HBS1L: variants seen among roughly 807,000 people sequenced by gnomAD.
HBS1L encodes the protein HBS1 like translational GTPase, also known as HBS1-like protein.
In HBS1L, 55 loss-of-function variants were observed where a neutral mutation model predicts 88.9. The observed-to-expected ratio is 0.62, with a 90% confidence interval of 0.50 to 0.77. The LOEUF (loss-of-function observed/expected upper bound fraction) is 0.77, where lower values mean the gene tolerates loss of function less well. HBS1L is among the 30% of genes least tolerant of loss of function. The probability of loss-of-function intolerance (pLI) is 0.00; values close to 1 mark genes in which losing one functional copy is unlikely to be tolerated. For synonymous variants in HBS1L, 267 were observed against 288.5 expected, an observed-to-expected ratio of 0.93 and a Z score of 0.76; for missense variants, 741 against 829.3, an observed-to-expected ratio of 0.89 and a Z score of 1.31.
At chr6:134,998,725 C>T (rs1447466055) in intron 5 of HBS1L, among the ~76,000 whole-genome samples, 2 of 152,084 alleles carry the variant, frequency 1.3e-5, no homozygotes, top group Non-Finnish European at 2.9e-5. Flanking sequence ...TTTATATGCC[C>T]AACATTAGCC....
intron 8 of HBS1L, among the ~76,000 whole-genome samples, chr6:134,992,669 C>T (rs1336217580): frequency 6.6e-6 from 1 of 151,836 alleles, no homozygotes; most frequent in East Asian, 1.9e-4. Context: ...AAAATATTTT[C>T]GTACAGCTGT....
At chr6:134,994,424 A>C (rs1206464257) in intron 7 of HBS1L, among the ~76,000 whole-genome samples, 1 of 152,156 alleles carries the variant, frequency 6.6e-6, no homozygotes, top group Non-Finnish European at 1.5e-5. Flanking sequence ...TATCCTATTT[A>C]ATTCTTCCTG....
intron 15 of HBS1L, among the ~76,000 whole-genome samples, chr6:134,972,540 A>G (rs993621049): frequency 6.6e-6 from 1 of 152,230 alleles, no homozygotes. Flanking sequence ...GGATTTGGCC[A>G]TGATTTCTTG....
intron 15 of HBS1L, among the ~76,000 whole-genome samples, chr6:134,973,363 G>A (rs1030129406): frequency 1.3e-5 from 2 of 152,226 alleles, no homozygotes; most frequent in South Asian, 2.1e-4. Context: ...AATATTGTAT[G>A]ATTCCACTTA....
chr6:135,009,573 G>C (rs1775711910), intron 4 of HBS1L, among the ~76,000 whole-genome samples: 1 of 152,072 alleles, frequency 6.6e-6, no homozygotes, highest in African/African-American at 2.4e-5. Context: ...ATCTTTTGCA[G>C]ATTATGTTCA....
chr6:135,013,170 A>G (rs994605758), intron 4 of HBS1L, among the ~76,000 whole-genome samples: 3 of 152,176 alleles, frequency 2.0e-5, no homozygotes, highest in Non-Finnish European at 4.4e-5. Context: ...CCTCGTCCAT[A>G]AAATAATAGT....
chr6:134,997,107 C>T (rs1454581721), intron 6 of HBS1L, among the ~76,000 whole-genome samples, 165 bp from the exon 7 acceptor site: 2 of 152,040 alleles, frequency 1.3e-5, no homozygotes, highest in South Asian at 2.1e-4. Flanking sequence ...AAGAGCATAT[C>T]TCTTTACAGA....
At chr6:134,981,408 T>A (rs1357903188) in intron 13 of HBS1L, among the ~76,000 whole-genome samples, 2 of 151,936 alleles carry the variant, frequency 1.3e-5, no homozygotes, top group Non-Finnish European at 2.9e-5. Context: ...CAAATGGAAA[T>A]AACTGATTTT....
chr6:135,040,863 T>C (rs1282338055), intron 3 of HBS1L, among the ~76,000 whole-genome samples: 2 of 152,292 alleles, frequency 1.3e-5, no homozygotes, highest in East Asian at 1.9e-4. Flanking sequence ...ATGAATGATA[T>C]ATTCCCTTAT....
chr6:134,996,527 G>T (rs4895438), intron 7 of HBS1L, among the ~76,000 whole-genome samples: 74,055 of 151,926 alleles, frequency 0.49, 18,157 homozygotes, highest in South Asian at 0.56. Context: ...TTTTACTGTT[G>T]TTTTTCTGCA....
intron 8 of HBS1L, among the ~76,000 whole-genome samples, chr6:134,991,370 G>C (rs375355333): frequency 1.3e-5 from 2 of 152,164 alleles, no homozygotes; most frequent in Non-Finnish European, 2.9e-5. Flanking sequence ...TACTCAGTGT[G>C]TGGCAAATTC....
At chr6:134,992,745 G>C in intron 8 of HBS1L, among the ~76,000 whole-genome samples, 1 of 151,994 alleles carries the variant, frequency 6.6e-6, no homozygotes, top group East Asian at 1.9e-4. Flanking sequence ...AAATTTAAAT[G>C]TTTATAAAGT....
Position 135,039,594 on chromosome 6 carries a change from A to C in HBS1L, c.409T>G (p.Ser137Ala), listed in dbSNP as rs772797537. ...ATACCTTTTGCTATCTTTCCTGTAG[A>C]TACTGTTGCCTCATTCTTGTCCTTC... ...SLKDKNEATVSTGKIAKGKPV... is the reference protein window; with the variant it reads ...SLKDKNEATVATGKIAKGKPV... Residue 137 changes from serine (S) to alanine (A), a missense_variant, in exon 4 of 18, where the codon TCT (serine) becomes GCT (alanine). By Grantham distance (99) the Ser-to-Ala change is moderately conservative. Coordinates refer to ENST00000367837, the MANE Select transcript of HBS1L (RefSeq NM_006620.4). 1.9e-6 allele frequency: 3 copies of C among 1,613,968 alleles called. No homozygotes were observed. In the African/African-American group the frequency reaches 4.0e-5, roughly 22 times the overall value.
intron 2 of HBS1L, among the ~76,000 whole-genome samples, chr6:135,047,733 T>A (rs1011613761): frequency 2.0e-5 from 3 of 152,228 alleles, no homozygotes; most frequent in Non-Finnish European, 2.9e-5. Flanking sequence ...GAGATTTTTT[T>A]AACTCAAATC....
chr6:135,018,560 T>C (rs979231383), intron 4 of HBS1L, among the ~76,000 whole-genome samples: 1 of 152,032 alleles, frequency 6.6e-6, no homozygotes, highest in Non-Finnish European at 1.5e-5. Context: ...TATAATCTAA[T>C]ACATGCAATG....
At chr6:134,991,839 G>A (rs551651985) in intron 8 of HBS1L, among the ~76,000 whole-genome samples, 61 of 152,204 alleles carry the variant, frequency 4.0e-4, no homozygotes, top group Non-Finnish European at 8.2e-4. Context: ...GGAGGCTGAG[G>A]TGGGGATTGC....
chr6:135,015,675 G>A (rs967255177), intron 4 of HBS1L, among the ~76,000 whole-genome samples: 5 of 148,336 alleles, frequency 3.4e-5, no homozygotes, highest in South Asian at 4.3e-4. Flanking sequence ...TCTGCCTCCC[G>A]GGTTCAAGCA....
intron 4 of HBS1L, chr6:135,035,907 T>C (rs1158191229): frequency 3.1e-6 from 2 of 650,722 alleles, no homozygotes; most frequent in Non-Finnish European, 3.8e-6. Context: ...TTAGGACAAA[T>C]GGTTTTTAAA....
chr6:135,048,421 G>T (rs550986717), intron 2 of HBS1L, among the ~76,000 whole-genome samples: 1 of 152,198 alleles, frequency 6.6e-6, no homozygotes, highest in South Asian at 2.1e-4. Flanking sequence ...TAAGATTCAG[G>T]GACCTTCTGA....
Sources: gnomAD v4.1 joint callset for allele counts (sites outside exome capture counted in the v4.1 genomes callset) on GRCh38, gnomAD v4.1.1 for gene constraint, MANE v1.5 for transcripts, NCBI Gene and HGNC (gene_info 2026-07-23, HGNC 2026-07-21) for gene names.